The following HIVEP2 variants were observed in gnomAD, a reference collection of about 807,000 sequenced individuals.
HIVEP2 encodes the protein HIVEP zinc finger 2.
HIVEP2 carries 14 observed loss-of-function variants against 180.7 expected under a neutral mutation model. The observed-to-expected ratio is 0.08, with a 90% confidence interval of 0.05 to 0.12. The LOEUF is 0.12. HIVEP2 is among the 10% of genes least tolerant of loss of function. HIVEP2 has a pLI of 1.00. For missense variants in HIVEP2, 2,579 were observed against 3,008.5 expected (o/e 0.86, Z 3.34); for synonymous variants, 1,184 against 1,136.4 (o/e 1.04, Z -0.84).
intron 1 of HIVEP2, among the ~76,000 whole-genome samples, chr6:142,906,829 G>T (rs1777274841): frequency 6.6e-6 from 1 of 152,052 alleles, no homozygotes; most frequent in African/African-American, 2.4e-5. Flanking sequence ...AATATACAAG[G>T]AAAAATTCTA....
At chr6:142,912,787 C>G (rs939865865) in intron 1 of HIVEP2, among the ~76,000 whole-genome samples, 1 of 152,212 alleles carries the variant, frequency 6.6e-6, no homozygotes, top group Admixed American at 6.5e-5. Flanking sequence ...CCACCATCCC[C>G]ACACCATGGA....
upstream of HIVEP2, among the ~76,000 whole-genome samples, chr6:142,945,572 C>T (rs893288710): frequency 6.6e-6 from 1 of 152,202 alleles, no homozygotes; most frequent in Non-Finnish European, 1.5e-5. This position sits in a 1 kb window ranked among gnomAD's most constrained non-coding sequence, Gnocchi z 5.5. Flanking sequence ...AGGCTGCACC[C>T]AGCACCCCAG....
chr6:142,806,779 T>C (rs76304058), intron 2 of HIVEP2, among the ~76,000 whole-genome samples: 18,078 of 152,192 alleles, frequency 0.12, 1,366 homozygotes, highest in Middle Eastern at 0.2. Context: ...CTCAGCTTTT[T>C]GCATATACAT....
At chr6:142,932,010 A>T (rs1279620533) in intron 1 of HIVEP2, among the ~76,000 whole-genome samples, 1 of 152,170 alleles carries the variant, frequency 6.6e-6, no homozygotes, top group Non-Finnish European at 1.5e-5. Context: ...GCCCAGGTAA[A>T]GCATTTCCTT....
chr6:142,870,558 A>G (rs1582928821), intron 1 of HIVEP2, among the ~76,000 whole-genome samples: 1 of 152,318 alleles, frequency 6.6e-6, no homozygotes, highest in South Asian at 2.1e-4. Flanking sequence ...CCCATCAGAT[A>G]GAATCCACAA....
chr6:142,843,000 T>A (rs1383065491), intron 1 of HIVEP2, among the ~76,000 whole-genome samples: 1 of 152,166 alleles, frequency 6.6e-6, no homozygotes, highest in Non-Finnish European at 1.5e-5. Flanking sequence ...ATCAGATACC[T>A]AAATCACAAC....
At chr6:142,794,046 A>G (rs1192357857) in intron 2 of HIVEP2, 2 of 152,138 alleles carry the variant, frequency 1.3e-5, no homozygotes, top group African/African-American at 4.8e-5. Context: ...AATCAGGAAG[A>G]ATTTTATTTT....
chr6:142,769,630 T>C lies in HIVEP2; in HGVS notation c.5109A>G (p.Glu1703=). The C allele has an allele frequency of 6.2e-7, 1 of 1,614,164 alleles. No homozygotes were observed. The highest frequency in any genetic ancestry group is 8.5e-7 in the Non-Finnish European group (1 of 1,180,024). ...LLRSKQKITA[E]IYTLAAMHRP... ...TATGCATAGCAGCCAGAGTATAAATTTCTGCAGTGATTTTTTGCTTGGACC... is the reference window on the plus strand; with the variant it reads ...TATGCATAGCAGCCAGAGTATAAATCTCTGCAGTGATTTTTTGCTTGGACC... The change falls in exon 5 of 10, where the codon GAA becomes GAG. Residue 1703 remains glutamate, a synonymous_variant. Transcript: ENST00000367603.
chr6:142,937,528 A>ATTTGCCC (rs1488533742), intron 1 of HIVEP2, among the ~76,000 whole-genome samples: 1 of 152,086 alleles, frequency 6.6e-6, no homozygotes, highest in Non-Finnish European at 1.5e-5. Context: ...TGGAGCTGGA[A>ATTTGCCC]TTTGCCCTAT....
chr6:142,821,134 A>G (rs936546215), intron 2 of HIVEP2, among the ~76,000 whole-genome samples: 1 of 152,188 alleles, frequency 6.6e-6, no homozygotes, highest in Non-Finnish European at 1.5e-5. Flanking sequence ...TTGGGTATGA[A>G]CATATTTTTC....
intron 1 of HIVEP2, among the ~76,000 whole-genome samples, chr6:142,916,548 C>T (rs547260928): frequency 1.8e-4 from 28 of 152,302 alleles, no homozygotes; most frequent in African/African-American, 6.0e-4. Context: ...TTATTTAATG[C>T]TCCCCATTAG....
At position 142,769,867 on chromosome 6, in the gene HIVEP2, A is replaced by G. The variant is rs1257474268; in HGVS notation, c.4872T>C (p.Leu1624=). 6.2e-7 allele frequency: 1 copy of G among 1,614,158 alleles called. No homozygotes were observed. The highest frequency in any genetic ancestry group is 8.5e-7 in the Non-Finnish European group (1 of 1,180,040). ...GGAAATCTGCCATGTCCGTGAGAAG[A>G]AGAGTTGAGTCTGCCACGTTCCCGC... The part of the protein sequence containing the change: ...APSGNVADST[L]LLTDMADFQQ... The change falls in exon 5 of 10, where the codon CTT becomes CTC. Residue 1624 remains leucine, a synonymous_variant. Coordinates refer to ENST00000367603, the MANE Select transcript of HIVEP2 (RefSeq NM_006734.4).
intron 1 of HIVEP2, among the ~76,000 whole-genome samples, chr6:142,889,465 A>G (rs961871310): frequency 6.6e-6 from 1 of 152,184 alleles, no homozygotes; most frequent in Non-Finnish European, 1.5e-5. Flanking sequence ...CTCAAAATAA[A>G]CAAACAAAGA....
At chr6:142,821,756 AAC>A (rs1398310023) in intron 2 of HIVEP2, among the ~76,000 whole-genome samples, 1 of 152,284 alleles carries the variant, frequency 6.6e-6, no homozygotes, top group East Asian at 1.9e-4. Flanking sequence ...CATTGCTTGA[AAC>A]ACCACCACCA....
intron 1 of HIVEP2, among the ~76,000 whole-genome samples, chr6:142,851,723 A>G (rs1190393718): frequency 6.6e-6 from 1 of 152,218 alleles, no homozygotes; most frequent in African/African-American, 2.4e-5. Context: ...AGAAATCTAA[A>G]TATCCTGCCA....
At chr6:142,918,235 C>T (rs898733615) in intron 1 of HIVEP2, among the ~76,000 whole-genome samples, 2 of 152,006 alleles carry the variant, frequency 1.3e-5, no homozygotes, top group Non-Finnish European at 2.9e-5. Flanking sequence ...CAATAGAGAC[C>T]GGGTTTCGCC....
At position 142,770,720 on chromosome 6, in the gene HIVEP2, G is replaced by A. The variant is rs767865747; in HGVS notation, c.4019C>T (p.Thr1340Met). The A allele has an allele frequency of 3.1e-6, 5 of 1,614,036 alleles. No individual in the cohort carries two copies. Among genetic ancestry groups the A allele is most frequent in the African/African-American group, 1.3e-5 (1 of 74,942 alleles). Residue 1340 changes from threonine to methionine, a missense_variant, in exon 5 of 10, where the codon ACG (threonine) becomes ATG (methionine). Coordinates refer to ENST00000367603, the MANE Select transcript of HIVEP2 (RefSeq NM_006734.4). This position sits in a 1 kb window ranked among gnomAD's most constrained non-coding sequence, Gnocchi z 4.7. ...GACACTTCCATAGGATGGTACGTGC[G>A]TCTGGATCCGAACAGGAACCACTGT... Reference protein sequence around the residue: ...PGTVVPVRIQTHVPSYGSVMY... With the variant: ...PGTVVPVRIQMHVPSYGSVMY...
intron 1 of HIVEP2, among the ~76,000 whole-genome samples, chr6:142,917,727 C>G (rs1777592201): frequency 6.6e-6 from 1 of 152,046 alleles, no homozygotes; most frequent in Non-Finnish European, 1.5e-5. Flanking sequence ...CTGCTCTTAT[C>G]AGATAAAGAA....
intron 1 of HIVEP2, among the ~76,000 whole-genome samples, chr6:142,908,876 AAT>A (rs1777333490): frequency 6.6e-6 from 1 of 151,152 alleles, no homozygotes; most frequent in Non-Finnish European, 1.5e-5. Flanking sequence ...AAAAAAAAAA[AAT>A]TCTGAATTCT....
Sources: allele counts gnomAD v4.1 joint callset (sites outside exome capture counted in the v4.1 genomes callset), GRCh38; gene constraint gnomAD v4.1.1; non-coding constraint Gnocchi (gnomAD v3.1); transcripts MANE v1.5; gene names NCBI Gene and HGNC (gene_info 2026-07-23, HGNC 2026-07-21).